The following SRRT variants were observed in gnomAD, a reference collection of about 807,000 sequenced individuals.
The protein encoded by SRRT is serrate RNA effector molecule homolog.
SRRT carries 32 observed loss-of-function variants against 103.2 expected under a neutral mutation model. That is an observed-to-expected ratio of 0.31 (90% CI 0.23 to 0.42). The LOEUF is 0.42. Ranked by LOEUF, SRRT falls within the 10% of genes least tolerant of loss-of-function variation. The pLI is 1.00. For synonymous variants in SRRT, 525 were observed against 449.0 expected (o/e 1.17, Z -2.14); for missense variants, 986 against 1,207.5 (o/e 0.82, Z 2.72).
chr7:100,875,237 C>T lies in SRRT; in HGVS notation c.-110C>T. 3 of 345,110 alleles carry T rather than the reference C, an allele frequency of 8.7e-6. No homozygotes were observed. The highest frequency in any genetic ancestry group is 1.5e-5 in the Non-Finnish European group (3 of 204,986). 21.4% of individuals were successfully genotyped at this position (345,110 alleles called of 1,614,324 possible). ...TCAAGAGCTCCGTCTCCGTCTCGCC[C>T]TCCTCGAAGTCCTCGTCGCGCGCCC... is the stretch of plus-strand genomic sequence containing the variant. On this transcript the variant is annotated 5_prime_UTR_variant, in exon 1 of 20. Coordinates refer to ENST00000611405, the MANE Select transcript of SRRT (RefSeq NM_015908.6).
chr7:100,885,331 C>G lies in SRRT; in HGVS notation c.1278C>G (p.Arg426=), dbSNP rs1789992398. 6.2e-7 allele frequency: 1 copy of G among 1,613,988 alleles called. No homozygotes were observed. The highest frequency in any genetic ancestry group is 1.3e-5 in the African/African-American group (1 of 74,928). The change falls in exon 10 of 20, where the codon CGC becomes CGG. Residue 426 remains arginine (R), a synonymous_variant. Coordinates refer to ENST00000611405, the MANE Select transcript of SRRT (RefSeq NM_015908.6). This position sits in a 1 kb window ranked among gnomAD's most constrained non-coding sequence, Gnocchi z 4.8. ...ATAAGACCTGCTCCCTCTTCATGCG[C>G]AACATCGCGCCCAACATCTCCCGGG... ...PLHKTCSLFM[R]NIAPNISRAE... is the part of the protein sequence containing the mutation.
intron 2 of SRRT, chr7:100,875,941 A>G (rs1319326485): frequency 6.0e-6 from 3 of 503,324 alleles, no homozygotes. Context: ...TTGAGTATGA[A>G]GAAGCACTGT....
intron 12 of SRRT, 119 bp from the exon 13 acceptor site, chr7:100,886,111 ACCTATGTGGTCCCCGTC>A: frequency 8.2e-7 from 1 of 1,223,918 alleles, no homozygotes; most frequent in South Asian, 1.4e-5. Flanking sequence ...CATGGACGGA[ACCTATGTGGTCCCCGTC>A]CCCAGGGAGC....
In SRRT at chr7:100,884,391, ACGGAGAATGAT is replaced by A. The variant is rs1309700322; in HGVS notation, c.783_793del (p.Glu262SerfsTer42). 6.2e-7 allele frequency: 1 copy of A among 1,613,500 alleles called. No homozygotes were observed. Among genetic ancestry groups the A allele is most frequent in the Non-Finnish European group, 8.5e-7 (1 of 1,179,884 alleles). On this transcript the variant is annotated frameshift_variant, in exon 7 of 20. Transcript: ENST00000611405. LOFTEE classifies it high-confidence loss of function. ...AGCCGTGATTAAGATGGAAGGAGGC[ACGGAGAATGAT>A]CTTCGCATCCTGGAGCAGGAGGAGG...
rs375998759 is a variant in SRRT, at chr7:100,886,542, C to T, written c.1647+107C>T. ...GCCTTGAACCCTTGCACCCACTCGC[C>T]TGCTCACTCATTTGCCCCTTCGTGT... On this transcript the variant is annotated intron_variant, in intron 13 of 19. Coordinates refer to ENST00000611405, the MANE Select transcript of SRRT (RefSeq NM_015908.6). 6.5e-6 allele frequency: 8 copies of T among 1,233,880 alleles called. No individual in the cohort carries two copies. In the African/African-American group the frequency reaches 7.5e-5, roughly 12 times the overall value. The allele number at this position is 1,233,880 out of a possible 1,614,324, so 76.4% of individuals were successfully genotyped here.
intron 2 of SRRT, among the ~76,000 whole-genome samples, chr7:100,878,835 G>A (rs1420702931): frequency 1.3e-5 from 2 of 151,944 alleles, no homozygotes; most frequent in African/African-American, 4.8e-5. Flanking sequence ...CTGATTAGCT[G>A]GGACTACAGG....
At chr7:100,881,458 A>C in intron 3 of SRRT, 45 bp downstream of exon 3, 1 of 1,597,966 alleles carries the variant, frequency 6.3e-7, no homozygotes, top group Non-Finnish European at 8.6e-7. Flanking sequence ...CCTCAGTTCC[A>C]CCTGGGCCTC....
At chr7:100,888,207 G>C (rs780908598) in intron 18 of SRRT, 50 bp from the exon 19 acceptor site, 3 of 1,600,294 alleles carry the variant, frequency 1.9e-6, no homozygotes, top group East Asian at 2.2e-5. Flanking sequence ...GAAAACAGAG[G>C]ATGGAATTGA....
intron 2 of SRRT, among the ~76,000 whole-genome samples, chr7:100,879,113 G>A (rs1303551077): frequency 1.3e-5 from 2 of 151,956 alleles, no homozygotes; most frequent in African/African-American, 2.4e-5. Flanking sequence ...CTGCCACCAC[G>A]CCCGGCTAAT....
rs1584759674 is a variant in SRRT, at chr7:100,887,556, T to G, written c.2169+43T>G. 6.2e-7 allele frequency: 1 copy of G among 1,601,780 alleles called. No homozygotes were observed. The highest frequency in any genetic ancestry group is 8.5e-7 in the Non-Finnish European group (1 of 1,172,678). On this transcript the variant is annotated intron_variant, in intron 16 of 19. Coordinates refer to ENST00000611405, the MANE Select transcript of SRRT (RefSeq NM_015908.6). The surrounding 1 kb of genome is among the most constrained non-coding windows in gnomAD (Gnocchi z 4.1). ...ATGGCCGTGCTACGGTGGTGGGAGGTGGGGTTGAGACAGGAAGCCCCCTGG... is the reference window on the plus strand; with the variant it reads ...ATGGCCGTGCTACGGTGGTGGGAGGGGGGGTTGAGACAGGAAGCCCCCTGG...
Position 100,887,226 on chromosome 7 carries a change from C to T in SRRT, c.1975+26C>T, listed in dbSNP as rs1451020677. 6.2e-7 allele frequency: 1 copy of T among 1,613,668 alleles called. No homozygotes were observed. Among genetic ancestry groups the T allele is most frequent in the Non-Finnish European group, 8.5e-7 (1 of 1,179,680 alleles). ...GTGAGCTCCAGGTTCCCCTTTGTTC[C>T]CGGCTGCCCCTGGCCTTGGTCCTCC... On this transcript the variant is annotated intron_variant, in intron 15 of 19. Transcript: ENST00000611405. The surrounding 1 kb of genome is among the most constrained non-coding windows in gnomAD (Gnocchi z 4.1).
At chr7:100,884,626 T>G in intron 7 of SRRT, 74 bp downstream of exon 7, 1 of 1,330,808 alleles carries the variant, frequency 7.5e-7, no homozygotes, top group Non-Finnish European at 1.0e-6. Context: ...CCATAGGAGC[T>G]AGAAGTAGGG....
chr7:100,877,960 A>G (rs1449640028), intron 2 of SRRT, among the ~76,000 whole-genome samples: 1 of 152,234 alleles, frequency 6.6e-6, no homozygotes, highest in East Asian at 1.9e-4. Context: ...AGAACCTGTT[A>G]CTTCAGTGTA....
At position 100,887,751 on chromosome 7, in the gene SRRT, A is replaced by T; in HGVS notation, c.2218A>T (p.Ile740Phe). Reference protein sequence around the residue: ...KHIFNKHAEKIEEVKKEVAFF... With the variant: ...KHIFNKHAEKFEEVKKEVAFF... ...TATCTTCAACAAGCATGCAGAGAAA[A>T]TTGAGGAAGTGAAAAAGGAAGTCGC... Residue 740 changes from isoleucine to phenylalanine, a missense_variant, in exon 17 of 20, where the codon ATT (isoleucine) becomes TTT (phenylalanine). Ile to Phe is a conservative substitution (Grantham distance 21, BLOSUM62 0). Transcript: ENST00000611405. The surrounding 1 kb of genome is among the most constrained non-coding windows in gnomAD (Gnocchi z 4.1). 1 of 1,613,570 alleles carries T rather than the reference A, an allele frequency of 6.2e-7. No individual in the cohort carries two copies. Among genetic ancestry groups the T allele is most frequent in the Non-Finnish European group, 8.5e-7 (1 of 1,179,564 alleles).
chr7:100,882,267 T>A lies in SRRT; in HGVS notation c.587+26T>A. 6.2e-7 allele frequency: 1 copy of A among 1,608,964 alleles called. No individual in the cohort carries two copies. The highest frequency in any genetic ancestry group is 8.5e-7 in the Non-Finnish European group (1 of 1,176,772). On this transcript the variant is annotated intron_variant, in intron 5 of 19. Coordinates refer to ENST00000611405, the MANE Select transcript of SRRT (RefSeq NM_015908.6). This position sits in a 1 kb window ranked among gnomAD's most constrained non-coding sequence, Gnocchi z 4.2. ...GTGAGTGCCCCTACTTCCCTGGACCTCTGCCCTGGCATGTCCCCCTGGCCC... is the reference window on the plus strand; with the variant it reads ...GTGAGTGCCCCTACTTCCCTGGACCACTGCCCTGGCATGTCCCCCTGGCCC...
At chr7:100,877,533 T>C (rs1245906490) in intron 2 of SRRT, among the ~76,000 whole-genome samples, 3 of 151,998 alleles carry the variant, frequency 2.0e-5, no homozygotes, top group African/African-American at 7.3e-5. Flanking sequence ...TAAAAAAATT[T>C]TTTTTTGACA....
At chr7:100,881,896 G>A in intron 4 of SRRT, 91 bp downstream of exon 4, 6 of 1,493,296 alleles carry the variant, frequency 4.0e-6, no homozygotes, top group Non-Finnish European at 5.4e-6. Flanking sequence ...GAGCGGGTCA[G>A]GCACACAGAG....
At position 100,884,418 on chromosome 7, in the gene SRRT, CAGGAGGAGG is replaced by C; in HGVS notation, c.817_825del (p.Glu273_Glu275del). On this transcript the variant is annotated inframe_deletion, in exon 7 of 20. Coordinates refer to ENST00000611405, the MANE Select transcript of SRRT (RefSeq NM_015908.6). The stretch of plus-strand genomic sequence containing the variant: ...GGAGAATGATCTTCGCATCCTGGAG[CAGGAGGAGG>C]AGGAGGAGCAGGCAGGAAAGCCTGG... 6.7e-7 allele frequency: 1 copy of C among 1,494,004 alleles called. No homozygotes were observed. The highest frequency in any genetic ancestry group is 9.2e-7 in the Non-Finnish European group (1 of 1,092,242). 92.5% of individuals were successfully genotyped at this position (1,494,004 alleles called of 1,614,324 possible).
chr7:100,876,874 G>A (rs929608006), intron 2 of SRRT, among the ~76,000 whole-genome samples: 1 of 152,190 alleles, frequency 6.6e-6, no homozygotes, highest in Admixed American at 6.6e-5. Flanking sequence ...GGAAAGATGA[G>A]TGGGAATTCC....
Sources: allele counts gnomAD v4.1 joint callset (sites outside exome capture counted in the v4.1 genomes callset), GRCh38; gene constraint gnomAD v4.1.1; non-coding constraint Gnocchi (gnomAD v3.1); transcripts MANE v1.5; gene names NCBI Gene and HGNC (gene_info 2026-07-23, HGNC 2026-07-21).